The following GPHN variants were observed in gnomAD, a reference collection of about 807,000 sequenced individuals.
GPHN encodes the protein gephyrin.
GPHN carries 17 observed loss-of-function variants against 95.5 expected under a neutral mutation model. That is an observed-to-expected ratio of 0.18 (90% CI 0.12 to 0.27). The LOEUF (loss-of-function observed/expected upper bound fraction) is 0.27, where lower values mean the gene tolerates loss of function less well. Among genes scored for constraint, GPHN ranks in the 10% least tolerant of loss-of-function variants. The pLI is 1.00. For synonymous variants in GPHN, 320 were observed against 322.5 expected (o/e 0.99, Z 0.08); for missense variants, 660 against 978.1 (o/e 0.67, Z 4.34).
intron 11 of GPHN, among the ~76,000 whole-genome samples, chr14:67,082,115 G>C (rs2076718283): frequency 6.6e-6 from 1 of 152,060 alleles, no homozygotes; most frequent in African/African-American, 2.4e-5. Flanking sequence ...TTTTAGGATT[G>C]TCTTTTCTAG....
chr14:67,208,511 G>A, the GPHN span: 4 of 1,533,348 alleles, frequency 2.6e-6, no homozygotes, highest in Non-Finnish European at 3.5e-6. Flanking sequence ...AAAGAAATAT[G>A]TGCTTTAGTC....
the GPHN span, chr14:67,563,004 G>A: frequency 3.1e-5 from 35 of 1,146,776 alleles, no homozygotes; most frequent in Admixed American, 9.3e-4. Context: ...GCATCCTCAT[G>A]GTGGCCCTGG....
chr14:67,111,857 A>C lies in GPHN; in HGVS notation c.1414-4A>C, dbSNP rs111956954. On this transcript the variant is annotated splice_region_variant and splice_polypyrimidine_tract_variant and intron_variant, in intron 14 of 22. Transcript: ENST00000478722. The stretch of plus-strand genomic sequence containing the variant: ...TGAAATTACATGACCGGCTGTTATT[A>C]TAGGGCACTGAAGAACTTGAAGTGC... The C allele has an allele frequency of 5.9e-4, 953 of 1,611,112 alleles. 6 individuals are homozygous for C. In the African/African-American group the frequency reaches 0.011, roughly 19 times the overall value.
At chr14:66,656,625 G>A (rs2065322067) in intron 1 of GPHN, among the ~76,000 whole-genome samples, 1 of 152,058 alleles carries the variant, frequency 6.6e-6, no homozygotes. Context: ...TCACATTTTG[G>A]TAATTCTCAC....
intron 17 of GPHN, among the ~76,000 whole-genome samples, chr14:67,140,742 A>G (rs2080408118): frequency 6.6e-6 from 1 of 152,200 alleles, no homozygotes; most frequent in African/African-American, 2.4e-5. Flanking sequence ...TAATGATAAT[A>G]TGATCCAGCA....
the GPHN span, among the ~76,000 whole-genome samples, chr14:67,639,693 G>C: frequency 4.6e-5 from 7 of 152,114 alleles, no homozygotes; most frequent in Non-Finnish European, 8.8e-5. Flanking sequence ...GGCCGAGGCA[G>C]GTGGATCACT....
chr14:66,990,763 T>A (rs1594749784), intron 9 of GPHN, among the ~76,000 whole-genome samples: 1 of 151,966 alleles, frequency 6.6e-6, no homozygotes, highest in South Asian at 2.1e-4. Context: ...TTTTAAAAAA[T>A]TCAATTAAAT....
chr14:67,328,439 T>G, the GPHN span, among the ~76,000 whole-genome samples: 2 of 152,236 alleles, frequency 1.3e-5, no homozygotes, highest in Non-Finnish European at 2.9e-5. Flanking sequence ...GGTTGCCTAT[T>G]CACTCTGATG....
At chr14:66,890,410 C>CAAAAAA (rs781415190) in intron 5 of GPHN, among the ~76,000 whole-genome samples, 1 of 80,018 alleles carries the variant, frequency 1.2e-5, no homozygotes. Context: ...GACCCTGTCT[C>CAAAAAA]AAAAAAAAAA....
the GPHN span, chr14:67,279,170 CA>C: frequency 6.4e-7 from 1 of 1,569,820 alleles, no homozygotes; most frequent in East Asian, 2.3e-5. Context: ...CATAGATAAC[CA>C]TGACAACATC....
chr14:67,327,396 G>A, the GPHN span, among the ~76,000 whole-genome samples: 1 of 151,508 alleles, frequency 6.6e-6, no homozygotes, highest in East Asian at 1.9e-4. Flanking sequence ...GCTCACACCT[G>A]TAATCCCAGC....
chr14:67,370,883 G>A, the GPHN span, among the ~76,000 whole-genome samples: 1 of 151,910 alleles, frequency 6.6e-6, no homozygotes, highest in Non-Finnish European at 1.5e-5. Context: ...AAATTACCCA[G>A]GCATGGTGTT....
chr14:67,403,922 C>T, the GPHN span, among the ~76,000 whole-genome samples: 1 of 152,078 alleles, frequency 6.6e-6, no homozygotes, highest in African/African-American at 2.4e-5. Context: ...TGTGGTGGCA[C>T]ACTCCTGTAG....
At chr14:67,307,538 A>T in the GPHN span, among the ~76,000 whole-genome samples, 1 of 152,236 alleles carries the variant, frequency 6.6e-6, no homozygotes, top group African/African-American at 2.4e-5. Context: ...CTGTGTTGTA[A>T]AGAAAAGTTG....
chr14:67,487,643 A>T, the GPHN span, among the ~76,000 whole-genome samples: 13 of 152,238 alleles, frequency 8.5e-5, no homozygotes, highest in Non-Finnish European at 1.5e-4. Flanking sequence ...AATGTGTGCT[A>T]AACCTTTCTA....
intron 9 of GPHN, among the ~76,000 whole-genome samples, chr14:67,019,036 T>C (rs1282391957): frequency 2.0e-5 from 3 of 152,188 alleles, no homozygotes; most frequent in Admixed American, 6.5e-5. Flanking sequence ...ACAAAAAGAA[T>C]AAAATGGATA....
intron 9 of GPHN, among the ~76,000 whole-genome samples, chr14:67,003,621 C>T (rs1209391880): frequency 6.6e-6 from 1 of 151,614 alleles, no homozygotes; most frequent in Admixed American, 6.6e-5. Flanking sequence ...GACTTCCCCA[C>T]AGCATCATCA....
At chr14:66,887,807 G>A (rs921421745) in intron 5 of GPHN, among the ~76,000 whole-genome samples, 2 of 152,198 alleles carry the variant, frequency 1.3e-5, no homozygotes, top group Non-Finnish European at 1.5e-5. Context: ...ATCAGTCTGG[G>A]AATTTAAAAA....
chr14:66,551,635 A>G (rs1212509140), intron 1 of GPHN, among the ~76,000 whole-genome samples: 1 of 152,184 alleles, frequency 6.6e-6, no homozygotes, highest in Admixed American at 6.5e-5. Flanking sequence ...GGACTGGGTA[A>G]TTGATAAAGA....
Sources: gnomAD v4.1 joint callset for allele counts (sites outside exome capture counted in the v4.1 genomes callset) on GRCh38, gnomAD v4.1.1 for gene constraint, MANE v1.5 for transcripts, NCBI Gene and HGNC (gene_info 2026-07-23, HGNC 2026-07-21) for gene names.